The following MTHFD2L variants were observed in gnomAD, a reference collection of about 807,000 sequenced individuals.
MTHFD2L encodes the protein methylenetetrahydrofolate dehydrogenase (NADP+ dependent) 2 like, also known as bifunctional methylenetetrahydrofolate dehydrogenase/cyclohydrolase 2, mitochondrial.
Under a neutral mutation model 34.9 loss-of-function variants are expected in MTHFD2L, and 29 were observed. The ratio of observed to expected loss-of-function variants is 0.83; its 90% CI spans 0.62 to 1.13. The LOEUF (loss-of-function observed/expected upper bound fraction) is 1.13. Ranked by LOEUF, MTHFD2L falls within the 50% of genes most tolerant of loss-of-function variation. MTHFD2L has a pLI of 0.00. For synonymous variants in MTHFD2L, 167 were observed against 155.7 expected (o/e 1.07, Z -0.54); for missense variants, 481 against 446.5 (o/e 1.08, Z -0.70).
rs76993331 is a variant in MTHFD2L at position 74,169,382 on chromosome 4, C to T, written c.144-5124C>T. On this transcript the variant is annotated intron_variant, in intron 1 of 7. Transcript: ENST00000325278. The stretch of plus-strand genomic sequence containing the variant: ...TAGGACATAATTAGCCTAGATTATA[C>T]TCAGTGATTGCCAGCTTCACAGTGG... 3.2e-4 allele frequency among the ~76,000 whole-genome samples: 48 copies of T among 152,326 alleles called. 2 individuals are homozygous for T. In the East Asian group the frequency reaches 9.2e-3, roughly 29 times the overall value.
At chr4:74,193,592 G>A (rs183218961) in intron 3 of MTHFD2L, among the ~76,000 whole-genome samples, 191 of 152,064 alleles carry the variant, frequency 1.3e-3, no homozygotes, top group African/African-American at 3.4e-3. Context: ...ATTTATTTAC[G>A]TCATTTGTCA....
At chr4:74,299,353 T>C (rs1578764982) in intron 7 of MTHFD2L, among the ~76,000 whole-genome samples, 2 of 151,688 alleles carry the variant, frequency 1.3e-5, no homozygotes, top group South Asian at 4.1e-4. Flanking sequence ...ATGGTAGTAG[T>C]AGTGTAAATA....
chr4:74,115,583 C>T (rs894301678), intron 2 of MTHFD2L, among the ~76,000 whole-genome samples: 1 of 152,198 alleles, frequency 6.6e-6, no homozygotes, highest in Non-Finnish European at 1.5e-5. Flanking sequence ...ATGAACATGC[C>T]TTCATGGGCA....
At chr4:74,291,568 T>C (rs961312958) in intron 7 of MTHFD2L, among the ~76,000 whole-genome samples, 18 of 152,222 alleles carry the variant, frequency 1.2e-4, no homozygotes, top group Non-Finnish European at 4.4e-5. Context: ...GCACATATTT[T>C]GTGAGTGCTG....
At chr4:74,278,469 A>T (rs946045408) in intron 6 of MTHFD2L, among the ~76,000 whole-genome samples, 2 of 152,130 alleles carry the variant, frequency 1.3e-5, no homozygotes, top group African/African-American at 4.8e-5. Flanking sequence ...TGGTATGTTA[A>T]AAAACAAAAC....
intron 6 of MTHFD2L, among the ~76,000 whole-genome samples, chr4:74,252,291 G>A (rs1578622409): frequency 6.6e-6 from 1 of 151,996 alleles, no homozygotes; most frequent in East Asian, 1.9e-4. Context: ...TATTATTGGA[G>A]CCTTGGCTAA....
intron 6 of MTHFD2L, among the ~76,000 whole-genome samples, chr4:74,276,668 A>G (rs867841132): frequency 4.6e-5 from 7 of 152,166 alleles, no homozygotes; most frequent in African/African-American, 1.7e-4. Flanking sequence ...AAACACATCA[A>G]GTCTAAGAAC....
chr4:74,128,227 C>A (rs2109794957), intron 1 of MTHFD2L, among the ~76,000 whole-genome samples: 1 of 152,188 alleles, frequency 6.6e-6, no homozygotes, highest in South Asian at 2.1e-4. Flanking sequence ...TCTTGCTGTG[C>A]AGAAGCTTTT....
chr4:74,147,219 C>T (rs763403464), intron 1 of MTHFD2L, among the ~76,000 whole-genome samples: 1 of 151,686 alleles, frequency 6.6e-6, no homozygotes, highest in Non-Finnish European at 1.5e-5. Context: ...TTTTTTTTCT[C>T]CCATGCTCAC....
chr4:74,184,725 A>G (rs1730814764), intron 3 of MTHFD2L, among the ~76,000 whole-genome samples: 1 of 152,172 alleles, frequency 6.6e-6, no homozygotes, highest in Non-Finnish European at 1.5e-5. Context: ...CCTTTCTTCA[A>G]GTTAATGTAG....
upstream of MTHFD2L, among the ~76,000 whole-genome samples, chr4:74,155,764 T>C (rs1239925236): frequency 6.6e-6 from 1 of 152,072 alleles, no homozygotes; most frequent in Non-Finnish European, 1.5e-5. Context: ...TTCACCCCTT[T>C]ATTGTCTGAG....
intron 7 of MTHFD2L, among the ~76,000 whole-genome samples, chr4:74,289,257 T>G (rs1292875653): frequency 1.3e-5 from 2 of 151,976 alleles, no homozygotes; most frequent in Non-Finnish European, 2.9e-5. Flanking sequence ...GAAAAGGTGG[T>G]CAGGGAAGGC....
At chr4:74,263,874 T>C (rs1744981258) in intron 6 of MTHFD2L, among the ~76,000 whole-genome samples, 1 of 152,058 alleles carries the variant, frequency 6.6e-6, no homozygotes, top group Non-Finnish European at 1.5e-5. Context: ...AAATAAGGTT[T>C]ATCCCAGAAA....
At chr4:74,199,624 C>A (rs1734064590) in intron 3 of MTHFD2L, among the ~76,000 whole-genome samples, 170 bp from the exon 4 acceptor site, 1 of 151,678 alleles carries the variant, frequency 6.6e-6, no homozygotes, top group Admixed American at 6.6e-5. Context: ...GTCAAGAGCA[C>A]TTTGGCTTAC....
At chr4:74,128,595 C>T (rs1199855255) in intron 1 of MTHFD2L, among the ~76,000 whole-genome samples, 4 of 152,058 alleles carry the variant, frequency 2.6e-5, no homozygotes, top group Non-Finnish European at 5.9e-5. Context: ...TTTCTACCAA[C>T]CATGCTAATT....
At chr4:74,118,990 G>T (rs1721703371), upstream of MTHFD2L, among the ~76,000 whole-genome samples, 1 of 152,172 alleles carries the variant, frequency 6.6e-6, no homozygotes, top group African/African-American at 2.4e-5. Context: ...CTGAGGAGTG[G>T]TTGCAAACAC....
Position 74,175,385 on chromosome 4 carries a change from G to A in MTHFD2L, c.433G>A (p.Val145Ile), listed in dbSNP as rs1369417295. 1.9e-6 allele frequency: 3 copies of A among 1,611,352 alleles called. No homozygotes were observed. Among genetic ancestry groups the A allele is most frequent in the Admixed American group, 1.7e-5 (1 of 59,594 alleles). ...GGACCCAAGAGTCAGCGGTATATTAGTTCAGTTACCACTACCAGGTACATA... is the reference window on the plus strand; with the variant it reads ...GGACCCAAGAGTCAGCGGTATATTAATTCAGTTACCACTACCAGGTACATA... ...NMDPRVSGIL[V>I]QLPLPDHVDE... is the part of the protein sequence containing the mutation. The change falls in exon 3 of 8, where the codon GTT becomes ATT. Residue 145 changes from valine (V) to isoleucine (I), a missense_variant. Val to Ile is a conservative substitution (Grantham distance 29). Coordinates refer to ENST00000325278, the MANE Select transcript of MTHFD2L (RefSeq NM_001144978.3).
intron 7 of MTHFD2L, among the ~76,000 whole-genome samples, chr4:74,300,391 C>T (rs539817689): frequency 9.2e-5 from 14 of 152,070 alleles, no homozygotes; most frequent in African/African-American, 3.4e-4. Flanking sequence ...TCCCACAAAT[C>T]ATCCTTCAAA....
chr4:74,135,810 G>T (rs1722868990), intron 1 of MTHFD2L, among the ~76,000 whole-genome samples: 1 of 151,842 alleles, frequency 6.6e-6, no homozygotes, highest in African/African-American at 2.4e-5. Flanking sequence ...GATACAGGAT[G>T]GTTCAACATA....
Sources: gnomAD v4.1 joint callset for allele counts (sites outside exome capture counted in the v4.1 genomes callset) on GRCh38, gnomAD v4.1.1 for gene constraint, MANE v1.5 for transcripts, NCBI Gene and HGNC (gene_info 2026-07-23, HGNC 2026-07-21) for gene names.